The following AKAP6 variants were observed in gnomAD, a reference collection of about 807,000 sequenced individuals.
AKAP6 encodes A-kinase anchor protein 6.
AKAP6 carries 58 observed loss-of-function variants against 188.5 expected under a neutral mutation model. The ratio of observed to expected loss-of-function variants is 0.31; its 90% CI spans 0.25 to 0.38. The LOEUF is 0.38. Ranked by LOEUF, AKAP6 falls within the 10% of genes least tolerant of loss-of-function variation. AKAP6 has a pLI of 1.00. For synonymous variants in AKAP6, 989 were observed against 998.6 expected (o/e 0.99, Z 0.18); for missense variants, 2,710 against 2,740.0 (o/e 0.99, Z 0.24).
chr14:32,733,733 A>G (rs929899373), intron 10 of AKAP6: 1 of 152,140 alleles, frequency 6.6e-6, no homozygotes, highest in African/African-American at 2.4e-5. Context: ...AATAATAATT[A>G]ATGGCTTTCA....
chr14:32,527,213 C>T (rs1015202146), intron 2 of AKAP6, among the ~76,000 whole-genome samples: 3 of 152,170 alleles, frequency 2.0e-5, no homozygotes, highest in African/African-American at 7.2e-5. Context: ...TTCAGATTGA[C>T]TTCTTTCACT....
intron 2 of AKAP6, among the ~76,000 whole-genome samples, chr14:32,523,472 CTTTT>C (rs553132622): frequency 7.0e-6 from 1 of 142,824 alleles, no homozygotes. Context: ...CTCTCTCTCT[CTTTT>C]TTTTTTTTTT....
intron 7 of AKAP6, among the ~76,000 whole-genome samples, chr14:32,664,254 T>C (rs1253461846): frequency 6.6e-6 from 1 of 152,108 alleles, no homozygotes; most frequent in Non-Finnish European, 1.5e-5. Context: ...AGTCAAGCTT[T>C]ACAAGGTCTA....
chr14:32,469,280 C>T (rs1878635499), intron 2 of AKAP6, among the ~76,000 whole-genome samples: 1 of 152,150 alleles, frequency 6.6e-6, no homozygotes, highest in East Asian at 1.9e-4. Context: ...TTTTCACAAC[C>T]TCCTTGGTAT....
intron 12 of AKAP6, among the ~76,000 whole-genome samples, chr14:32,820,237 T>C (rs1292459566): frequency 6.6e-6 from 1 of 152,048 alleles, no homozygotes; most frequent in Non-Finnish European, 1.5e-5. Flanking sequence ...TTAGAAGTTC[T>C]GTTTGTGTTT....
chr14:32,558,770 C>T (rs1422617296), intron 4 of AKAP6, among the ~76,000 whole-genome samples: 2 of 152,190 alleles, frequency 1.3e-5, no homozygotes, highest in African/African-American at 2.4e-5. Context: ...TTCTATGGCT[C>T]ACCACCAATA....
At chr14:32,369,292 C>A (rs1887935616) in intron 1 of AKAP6, among the ~76,000 whole-genome samples, 1 of 151,972 alleles carries the variant, frequency 6.6e-6, no homozygotes, top group African/African-American at 2.4e-5. Context: ...CAGTGTGGCA[C>A]CAAAAAAACC....
chr14:32,670,653 A>C (rs1472530255), intron 7 of AKAP6, among the ~76,000 whole-genome samples: 1 of 152,150 alleles, frequency 6.6e-6, no homozygotes, highest in Non-Finnish European at 1.5e-5. Flanking sequence ...GACTCTTCCA[A>C]ATACAAACTC....
chr14:32,790,792 C>T (rs774676414), intron 12 of AKAP6, among the ~76,000 whole-genome samples: 5 of 152,108 alleles, frequency 3.3e-5, no homozygotes, highest in South Asian at 2.1e-4. Context: ...TGGCAGACCC[C>T]GATATGTGAT....
At chr14:32,762,924 T>G (rs1332814190) in intron 11 of AKAP6, among the ~76,000 whole-genome samples, 2 of 152,196 alleles carry the variant, frequency 1.3e-5, no homozygotes, top group Middle Eastern at 3.4e-3. Context: ...TAGACCTCAC[T>G]TATTTGTGGA....
At chr14:32,722,202 A>G (rs1224831381) in intron 9 of AKAP6, among the ~76,000 whole-genome samples, 6 of 152,104 alleles carry the variant, frequency 3.9e-5, no homozygotes, top group Non-Finnish European at 7.3e-5. Flanking sequence ...GAAGTATTGA[A>G]TCTTCTCCCT....
At chr14:32,452,655 AAAG>A (rs1284854865) in intron 2 of AKAP6, among the ~76,000 whole-genome samples, 2 of 152,072 alleles carry the variant, frequency 1.3e-5, no homozygotes, top group Non-Finnish European at 2.9e-5. Flanking sequence ...ACAGAAAAAA[AAAG>A]AAGGAAAAGG....
At chr14:32,604,272 A>G (rs1389951367) in intron 7 of AKAP6, among the ~76,000 whole-genome samples, 2 of 152,170 alleles carry the variant, frequency 1.3e-5, no homozygotes, top group African/African-American at 4.8e-5. Flanking sequence ...GTATCCGCAG[A>G]TGCAGAAGTT....
At chr14:32,657,691 G>A (rs1427871450) in intron 7 of AKAP6, among the ~76,000 whole-genome samples, 1 of 151,318 alleles carries the variant, frequency 6.6e-6, no homozygotes, top group Non-Finnish European at 1.5e-5. Context: ...TTCTGTGAGT[G>A]TACATGTTTT....
chr14:32,465,214 T>C (rs568130058), intron 2 of AKAP6, among the ~76,000 whole-genome samples: 1 of 152,310 alleles, frequency 6.6e-6, no homozygotes, highest in Non-Finnish European at 1.5e-5. Context: ...ACCATGTCTT[T>C]CTTTGCAGAA....
intron 12 of AKAP6, among the ~76,000 whole-genome samples, chr14:32,776,508 GTA>G (rs2033070643): frequency 6.6e-6 from 1 of 152,116 alleles, no homozygotes. Flanking sequence ...TCAGTCTTGG[GTA>G]TGTCTTTATC....
intron 11 of AKAP6, among the ~76,000 whole-genome samples, chr14:32,745,037 A>G (rs966684317): frequency 2.0e-5 from 3 of 152,088 alleles, no homozygotes; most frequent in African/African-American, 7.2e-5. Flanking sequence ...AGTTTTTGCA[A>G]CACAGCAATT....
chr14:32,768,973 G>C (rs2032802730), intron 11 of AKAP6, among the ~76,000 whole-genome samples: 1 of 148,600 alleles, frequency 6.7e-6, no homozygotes, highest in Non-Finnish European at 1.5e-5. Flanking sequence ...AGACAAAGAG[G>C]AGACAGCAAA....
chr14:32,425,653 AAG>A (rs1890005382), intron 1 of AKAP6, among the ~76,000 whole-genome samples: 2 of 151,664 alleles, frequency 1.3e-5, no homozygotes, highest in African/African-American at 4.8e-5. Context: ...GGAAGGAAGG[AAG>A]GAAGGAAGCT....
Sources: allele counts gnomAD v4.1 joint callset (sites outside exome capture counted in the v4.1 genomes callset), GRCh38; gene constraint gnomAD v4.1.1; transcripts MANE v1.5; gene names NCBI Gene and HGNC (gene_info 2026-07-23, HGNC 2026-07-21).